The following KCNJ1 variants were observed in gnomAD, a reference collection of about 807,000 sequenced individuals.
The protein encoded by KCNJ1 is ATP-sensitive inward rectifier potassium channel 1.
A neutral mutation model predicts 21.9 loss-of-function variants in KCNJ1; 24 were observed. The observed-to-expected ratio is 1.10, with a 90% CI of 0.79 to 1.54. KCNJ1 has a LOEUF of 1.54. Ranked by LOEUF, KCNJ1 falls within the 40% of genes most tolerant of loss-of-function variation. KCNJ1 has a pLI of 0.00. For missense variants in KCNJ1, 457 were observed against 455.4 expected (o/e 1.00, Z -0.03); for synonymous variants, 152 against 160.9 (o/e 0.94, Z 0.42).
intron 2 of KCNJ1, among the ~76,000 whole-genome samples, chr11:128,849,720 A>G (rs1055924472): frequency 5.9e-5 from 9 of 152,126 alleles, no homozygotes; most frequent in African/African-American, 1.2e-4. Context: ...TTTTTTTGGA[A>G]GCTTCTGTGG....
chr11:128,856,080 G>C (rs1181433159), intron 1 of KCNJ1, among the ~76,000 whole-genome samples: 3 of 151,578 alleles, frequency 2.0e-5, no homozygotes, highest in Non-Finnish European at 4.4e-5. Flanking sequence ...GAACTTCCGG[G>C]CGGGAAAAGA....
intron 1 of KCNJ1, among the ~76,000 whole-genome samples, chr11:128,860,054 G>A (rs1353278396): frequency 6.6e-6 from 1 of 152,216 alleles, no homozygotes; most frequent in Non-Finnish European, 1.5e-5. Context: ...AGGGCACTGC[G>A]CAAGAGAGGT....
In KCNJ1 at chr11:128,838,264, T is replaced by A. The variant is rs944837770; in HGVS notation, c.*861A>T. The A allele has an allele frequency of 6.6e-6, 1 of 152,592 alleles. No individual in the cohort carries two copies. The highest frequency in any genetic ancestry group is 1.9e-4 in the East Asian group (1 of 5,190). The allele number at this position is 152,592 out of a possible 1,614,324, so 9.5% of individuals were successfully genotyped here. ...TTCTGACTGTGGGGCTCCATCCCAT[T>A]CCTCTCTCTTTCCCACTTCTTCTTT... On this transcript the variant is annotated 3_prime_UTR_variant, in exon 3 of 3. Transcript: ENST00000392666.
At chr11:128,842,452 G>T in intron 2 of KCNJ1, 1 of 1,613,516 alleles carries the variant, frequency 6.2e-7, no homozygotes, top group East Asian at 2.2e-5. Flanking sequence ...GCTGGTTGTT[G>T]GTCTTTCTAT....
chr11:128,843,653 A>G (rs1210790565), intron 2 of KCNJ1, among the ~76,000 whole-genome samples: 1 of 152,230 alleles, frequency 6.6e-6, no homozygotes, highest in Non-Finnish European at 1.5e-5. Context: ...CATGGTTGGT[A>G]TAATGCCAAA....
At chr11:128,866,950 G>C (rs543297167) in intron 1 of KCNJ1, among the ~76,000 whole-genome samples, 3 of 152,102 alleles carry the variant, frequency 2.0e-5, no homozygotes, top group African/African-American at 7.2e-5. Context: ...CCAGGGCTGC[G>C]GAGTGACCCA....
chr11:128,839,868 C>T lies in KCNJ1; in HGVS notation c.376G>A (p.Gly126Arg), dbSNP rs1469361075. Residue 126 changes from glycine to arginine, a missense_variant, in exon 3 of 3, where the codon GGA becomes AGA. Physicochemically the swap from Gly to Arg is moderately radical, Grantham distance 125 (BLOSUM62 -2). Transcript: ENST00000392666. ...CACTGTTCTGTCACACACCTGAATC[C>T]ATATCCAATGGTCACTTGAGTCTCC... ...SLETQVTIGY[G>R]FRCVTEQCAT... 6.2e-7 allele frequency: 1 copy of T among 1,614,026 alleles called. No individual in the cohort carries two copies. The highest frequency in any genetic ancestry group is 8.5e-7 in the Non-Finnish European group (1 of 1,180,020).
chr11:128,839,592 G>T lies in KCNJ1; in HGVS notation c.652C>A (p.Pro218Thr). ...TCCAAAATAATGGTCTCTCCTTCAGGAGTGACTGTGGTCTTCAGAAGCTTT... is the reference window on the plus strand; with the variant it reads ...TCCAAAATAATGGTCTCTCCTTCAGTAGTGACTGTGGTCTTCAGAAGCTTT... ...YGKLLKTTVT[P>T]EGETIILDQI... is the part of the protein sequence containing the mutation. Residue 218 changes from proline to threonine, a missense_variant, in exon 3 of 3, where the codon CCT becomes ACT. Transcript: ENST00000392666. The T allele has an allele frequency of 4.3e-6, 7 of 1,614,058 alleles. No homozygotes were observed. Among genetic ancestry groups the T allele is most frequent in the Non-Finnish European group, 5.9e-6 (7 of 1,179,980 alleles).
At chr11:128,846,096 A>G (rs1338356418) in intron 2 of KCNJ1, among the ~76,000 whole-genome samples, 1 of 152,160 alleles carries the variant, frequency 6.6e-6, no homozygotes, top group Non-Finnish European at 1.5e-5. Flanking sequence ...CCTGGCCAGT[A>G]ATGTTCCCAG....
chr11:128,844,799 C>T (rs368605265), intron 2 of KCNJ1, among the ~76,000 whole-genome samples: 21 of 152,124 alleles, frequency 1.4e-4, no homozygotes, highest in African/African-American at 4.6e-4. Flanking sequence ...TGGCTGTTAC[C>T]GCTTCTGATT....
At chr11:128,848,204 T>C (rs1027443312) in intron 2 of KCNJ1, among the ~76,000 whole-genome samples, 9 of 146,318 alleles carry the variant, frequency 6.2e-5, no homozygotes, top group Admixed American at 4.3e-4. Flanking sequence ...AGGAGAATGG[T>C]GTGAACCCGG....
At chr11:128,857,898 A>T (rs1943617338) in intron 1 of KCNJ1, among the ~76,000 whole-genome samples, 1 of 152,236 alleles carries the variant, frequency 6.6e-6, no homozygotes, top group African/African-American at 2.4e-5. Flanking sequence ...GCCTGAAAAC[A>T]TACATAAAAA....
Position 128,839,271 on chromosome 11 carries a change from A to G in KCNJ1, c.973T>C (p.Phe325Leu), listed in dbSNP as rs750273924. ...EGKYRVDFHN[F>L]SKTVEVETPH... The stretch of plus-strand genomic sequence containing the variant: ...GTCTCCACTTCCACTGTCTTGCTAA[A>G]GTTATGGAAATCCACTCGGTATTTC... The change falls in exon 3 of 3, where the codon TTT (phenylalanine) becomes CTT (leucine). Residue 325 changes from phenylalanine (F) to leucine (L), a missense_variant. By Grantham distance (22) the Phe-to-Leu change is conservative. Coordinates refer to ENST00000392666, the MANE Select transcript of KCNJ1 (RefSeq NM_153766.3). 1 of 1,614,060 alleles carries G rather than the reference A, an allele frequency of 6.2e-7. No individual in the cohort carries two copies. Among genetic ancestry groups the G allele is most frequent in the African/African-American group, 1.3e-5 (1 of 74,918 alleles).
chr11:128,840,704 T>C (rs1342518104), intron 2 of KCNJ1, among the ~76,000 whole-genome samples: 1 of 152,210 alleles, frequency 6.6e-6, no homozygotes, highest in East Asian at 1.9e-4. Context: ...ATGTATGTTT[T>C]TGAGATATAG....
chr11:128,845,797 A>T (rs552733363), intron 2 of KCNJ1, among the ~76,000 whole-genome samples: 2 of 152,302 alleles, frequency 1.3e-5, no homozygotes, highest in Non-Finnish European at 1.5e-5. Flanking sequence ...GCACTTCAGG[A>T]ATACCCTACT....
rs747214518 is a variant in KCNJ1, at chr11:128,839,116, A to G, written c.*9T>C. 1.2e-6 allele frequency: 2 copies of G among 1,612,548 alleles called. No individual in the cohort carries two copies. Among genetic ancestry groups the G allele is most frequent in the Admixed American group, 1.7e-5 (1 of 60,014 alleles). ...GAGACTTTGCTTTACTCCCGTTGAAAAGCCACTGTTACATTTTGGTGTCAT... is the reference window on the plus strand; with the variant it reads ...GAGACTTTGCTTTACTCCCGTTGAAGAGCCACTGTTACATTTTGGTGTCAT... On this transcript the variant is annotated 3_prime_UTR_variant, in exon 3 of 3. Transcript: ENST00000392666.
intron 2 of KCNJ1, chr11:128,842,420 C>T: frequency 6.2e-7 from 1 of 1,613,766 alleles, no homozygotes; most frequent in East Asian, 2.2e-5. Context: ...GCATTCATGG[C>T]TGGAAAAAGC....
In KCNJ1 at chr11:128,839,570, A is replaced by G; in HGVS notation, c.674T>C (p.Leu225Ser). 2.5e-6 allele frequency: 4 copies of G among 1,614,206 alleles called. No individual in the cohort carries two copies. The highest frequency in any genetic ancestry group is 3.4e-6 in the Non-Finnish European group (4 of 1,180,024). The change falls in exon 3 of 3, where the codon TTG (leucine) becomes TCG (serine). Residue 225 changes from leucine (L) to serine (S), a missense_variant. Leu to Ser is a moderately radical substitution (Grantham distance 145). Coordinates refer to ENST00000392666, the MANE Select transcript of KCNJ1 (RefSeq NM_153766.3). ...TVTPEGETII[L>S]DQININFVVD... ...TACAAAGTTGATATTGATCTGGTCC[A>G]AAATAATGGTCTCTCCTTCAGGAGT...
chr11:128,842,466 G>A (rs372570334), intron 2 of KCNJ1: 121 of 1,613,276 alleles, frequency 7.5e-5, no homozygotes, highest in Non-Finnish European at 9.8e-5. Context: ...TTTCTATGCA[G>A]ACTGATTTCT....
Sources: gnomAD v4.1 joint callset for allele counts (sites outside exome capture counted in the v4.1 genomes callset) on GRCh38, gnomAD v4.1.1 for gene constraint, MANE v1.5 for transcripts, NCBI Gene and HGNC (gene_info 2026-07-23, HGNC 2026-07-21) for gene names.